MOXD1: variants seen among roughly 807,000 people sequenced by gnomAD.
MOXD1 encodes the protein monooxygenase DBH like 1, also known as DBH-like monooxygenase protein 1.
In MOXD1, 62 loss-of-function variants were observed where a neutral mutation model predicts 66.6. The observed-to-expected ratio is 0.93, with a 90% confidence interval of 0.76 to 1.15. MOXD1 has a LOEUF of 1.15. Among genes scored for constraint, MOXD1 ranks in the 50% most tolerant of loss-of-function variants. MOXD1 has a pLI of 0.00. For synonymous variants in MOXD1, 303 were observed against 281.9 expected, an observed-to-expected ratio of 1.07 and a Z score of -0.75; for missense variants, 847 against 754.6, an observed-to-expected ratio of 1.12 and a Z score of -1.44.
At chr6:132,325,821 T>C (rs60270747) in intron 6 of MOXD1, among the ~76,000 whole-genome samples, 9,301 of 152,262 alleles carry the variant, frequency 0.061, 931 homozygotes, top group African/African-American at 0.21. Context: ...GCTCAATAAA[T>C]GGCAGCTAGT....
At chr6:132,358,399 G>A (rs780305595) in intron 4 of MOXD1, among the ~76,000 whole-genome samples, 8 of 152,038 alleles carry the variant, frequency 5.3e-5, no homozygotes, top group East Asian at 1.9e-4. Flanking sequence ...ACCACATCTC[G>A]CTCCATGACA....
At chr6:132,348,969 T>C (rs1775725978) in intron 4 of MOXD1, among the ~76,000 whole-genome samples, 1 of 150,712 alleles carries the variant, frequency 6.6e-6, no homozygotes, top group African/African-American at 2.5e-5. Context: ...CTTATTTATT[T>C]TTATTTTATT....
chr6:132,309,632 T>C (rs1314425849), intron 10 of MOXD1, among the ~76,000 whole-genome samples: 1 of 152,142 alleles, frequency 6.6e-6, no homozygotes, highest in East Asian at 1.9e-4. Flanking sequence ...ACTACAAGGC[T>C]ACAGTAACTA....
chr6:132,312,066 A>C (rs1227116949), intron 10 of MOXD1, among the ~76,000 whole-genome samples: 3 of 152,130 alleles, frequency 2.0e-5, no homozygotes, highest in African/African-American at 7.2e-5. Context: ...AACAGGGAAT[A>C]CACAATTTAT....
At chr6:132,345,853 A>G (rs1265150522) in intron 4 of MOXD1, among the ~76,000 whole-genome samples, 1 of 151,934 alleles carries the variant, frequency 6.6e-6, no homozygotes, top group Non-Finnish European at 1.5e-5. Flanking sequence ...GTCAAGATTG[A>G]CAGACCAAAT....
intron 4 of MOXD1, among the ~76,000 whole-genome samples, chr6:132,369,886 C>T (rs534949341): frequency 6.6e-6 from 1 of 152,182 alleles, no homozygotes; most frequent in South Asian, 2.1e-4. Flanking sequence ...CCATGGGCAA[C>T]TTAACCCATG....
At chr6:132,400,939 C>T (rs1209287438) in intron 1 of MOXD1, among the ~76,000 whole-genome samples, 3 of 152,192 alleles carry the variant, frequency 2.0e-5, no homozygotes, top group Non-Finnish European at 4.4e-5. Context: ...AAGAAGGAAA[C>T]CTGCCTGGGG....
intron 4 of MOXD1, among the ~76,000 whole-genome samples, chr6:132,366,816 G>A (rs73780059): frequency 0.046 from 6,995 of 152,132 alleles, 514 homozygotes; most frequent in African/African-American, 0.15. Flanking sequence ...TAAGCCTAAC[G>A]TTCATGTTAG....
chr6:132,323,824 C>A, intron 7 of MOXD1, 107 bp downstream of exon 7: 1 of 1,259,894 alleles, frequency 7.9e-7, no homozygotes, highest in South Asian at 1.8e-5. Flanking sequence ...CACAGTGTGT[C>A]AACAAGAAAG....
chr6:132,367,387 A>T (rs930135613), intron 4 of MOXD1, among the ~76,000 whole-genome samples: 4 of 152,110 alleles, frequency 2.6e-5, no homozygotes, highest in Admixed American at 6.6e-5. Flanking sequence ...TAAATATTAA[A>T]CTCATTTGAT....
chr6:132,386,128 C>T (rs1250782480), intron 1 of MOXD1, among the ~76,000 whole-genome samples: 8 of 126,352 alleles, frequency 6.3e-5, no homozygotes, highest in African/African-American at 1.5e-4. Context: ...AAAGGCCAGG[C>T]GCGGTGGCTC....
At chr6:132,322,653 A>G (rs757494867) in intron 8 of MOXD1, 26 bp downstream of exon 8, 4 of 1,597,058 alleles carry the variant, frequency 2.5e-6, no homozygotes, top group Non-Finnish European at 2.6e-6. Context: ...ATAACAGTCA[A>G]TGAAAAAGAA....
At chr6:132,324,724 A>T (rs1288336563) in intron 6 of MOXD1, among the ~76,000 whole-genome samples, 1 of 152,184 alleles carries the variant, frequency 6.6e-6, no homozygotes, top group Non-Finnish European at 1.5e-5. Flanking sequence ...TGAAATATTC[A>T]TTACAGGGAG....
At chr6:132,396,366 TA>T (rs1026054843) in intron 1 of MOXD1, among the ~76,000 whole-genome samples, 20 of 151,884 alleles carry the variant, frequency 1.3e-4, no homozygotes, top group Admixed American at 1.2e-3. Flanking sequence ...TCAAAACCTA[TA>T]GGGTACAGTA....
chr6:132,359,446 A>G (rs530770541), intron 4 of MOXD1, among the ~76,000 whole-genome samples: 1 of 150,744 alleles, frequency 6.6e-6, no homozygotes, highest in African/African-American at 2.4e-5. Flanking sequence ...TTTCTATTTT[A>G]GAGAATATGA....
chr6:132,400,653 C>A (rs1777001805), intron 1 of MOXD1, among the ~76,000 whole-genome samples: 1 of 152,106 alleles, frequency 6.6e-6, no homozygotes, highest in African/African-American at 2.4e-5. Context: ...GCCCTTCATT[C>A]TTCTGGAGAA....
intron 4 of MOXD1, among the ~76,000 whole-genome samples, chr6:132,354,953 G>C (rs897632158): frequency 6.6e-6 from 1 of 152,138 alleles, no homozygotes; most frequent in Admixed American, 6.5e-5. Flanking sequence ...AACAGTCACA[G>C]GCCTCACTCA....
chr6:132,347,613 G>A (rs1344588477), intron 4 of MOXD1, among the ~76,000 whole-genome samples: 1 of 151,810 alleles, frequency 6.6e-6, no homozygotes, highest in African/African-American at 2.4e-5. Context: ...GAAGGTGGAG[G>A]TTGTAGTGAG....
At chr6:132,383,292 A>G (rs1776547329) in intron 1 of MOXD1, among the ~76,000 whole-genome samples, 2 of 152,224 alleles carry the variant, frequency 1.3e-5, no homozygotes, top group Non-Finnish European at 1.5e-5. Context: ...TATAAACACA[A>G]TCTTCAGAGT....
Sources: allele counts gnomAD v4.1 joint callset (sites outside exome capture counted in the v4.1 genomes callset), GRCh38; gene constraint gnomAD v4.1.1; transcripts MANE v1.5; gene names NCBI Gene and HGNC (gene_info 2026-07-23, HGNC 2026-07-21).